The following SLX4IP variants were observed in gnomAD, a reference collection of about 807,000 sequenced individuals.
SLX4IP encodes SLX4 interacting protein.
SLX4IP carries 34 observed loss-of-function variants against 32.9 expected under a neutral mutation model. That is an observed-to-expected ratio of 1.03 (90% confidence interval 0.79 to 1.38). The LOEUF is 1.38. SLX4IP is among the 40% of genes most tolerant of loss of function. The pLI is 0.00. For synonymous variants in SLX4IP, 172 were observed against 171.7 expected (o/e 1.00, Z -0.01); for missense variants, 444 against 479.0 (o/e 0.93, Z 0.68).
At chr20:10,515,807 T>C (rs980738136) in intron 2 of SLX4IP, among the ~76,000 whole-genome samples, 3 of 152,240 alleles carry the variant, frequency 2.0e-5, no homozygotes, top group African/African-American at 7.2e-5. Context: ...TGAAAGCTGA[T>C]ATTTTAAGAG....
At chr20:10,600,639 T>C (rs529335736) in intron 5 of SLX4IP, among the ~76,000 whole-genome samples, 1 of 152,288 alleles carries the variant, frequency 6.6e-6, no homozygotes, top group South Asian at 2.1e-4. Context: ...TTGCTTGGCT[T>C]CCAAGCGGTG....
chr20:10,532,737 A>G (rs995093303), intron 2 of SLX4IP, among the ~76,000 whole-genome samples: 1 of 151,940 alleles, frequency 6.6e-6, no homozygotes, highest in Admixed American at 6.6e-5. Flanking sequence ...TACTGAATAG[A>G]AAAGCTGAAG....
chr20:10,492,718 C>T (rs894468829), intron 2 of SLX4IP, among the ~76,000 whole-genome samples: 1 of 152,060 alleles, frequency 6.6e-6, no homozygotes, highest in African/African-American at 2.4e-5. Context: ...ATCTTTCCAA[C>T]CAAAATGTAT....
At chr20:10,574,114 A>G (rs1480585251) in intron 4 of SLX4IP, among the ~76,000 whole-genome samples, 1 of 152,226 alleles carries the variant, frequency 6.6e-6, no homozygotes, top group Non-Finnish European at 1.5e-5. Context: ...AAAGTAAACA[A>G]AATTTCTAAA....
At chr20:10,595,493 G>A (rs1448661846) in intron 4 of SLX4IP, among the ~76,000 whole-genome samples, 1 of 152,202 alleles carries the variant, frequency 6.6e-6, no homozygotes, top group African/African-American at 2.4e-5. Context: ...AGTAGGAAAA[G>A]CAAAAGGACT....
intron 2 of SLX4IP, among the ~76,000 whole-genome samples, chr20:10,496,105 C>T (rs2122405061): frequency 6.6e-6 from 1 of 151,828 alleles, no homozygotes. Flanking sequence ...CTTATTTCTA[C>T]TACATTATAT....
chr20:10,618,778 T>G (rs780803133), intron 6 of SLX4IP, among the ~76,000 whole-genome samples: 4 of 152,192 alleles, frequency 2.6e-5, no homozygotes, highest in Admixed American at 6.5e-5. Context: ...TTAGCACACA[T>G]TATATATCTG....
At chr20:10,506,959 A>G (rs1485677945) in intron 2 of SLX4IP, among the ~76,000 whole-genome samples, 1 of 152,254 alleles carries the variant, frequency 6.6e-6, no homozygotes, top group African/African-American at 2.4e-5. Flanking sequence ...GAACTTACAC[A>G]TTGTGAAATG....
At chr20:10,451,198 T>G (rs977466681) in intron 1 of SLX4IP, among the ~76,000 whole-genome samples, 15 of 151,976 alleles carry the variant, frequency 9.9e-5, no homozygotes, top group African/African-American at 3.1e-4. Flanking sequence ...TATCACTCTG[T>G]CACCCAGGCT....
chr20:10,535,642 A>G (rs2066035015), intron 2 of SLX4IP, among the ~76,000 whole-genome samples: 1 of 152,094 alleles, frequency 6.6e-6, no homozygotes, highest in South Asian at 2.1e-4. Context: ...AGTTTTGTCT[A>G]GGGTAAGAGT....
intron 2 of SLX4IP, among the ~76,000 whole-genome samples, chr20:10,465,856 A>C (rs1470759087): frequency 6.6e-6 from 1 of 152,194 alleles, no homozygotes; most frequent in African/African-American, 2.4e-5. Context: ...CTGCATTTCA[A>C]ATGTTCAGTA....
chr20:10,512,288 C>CA lies in SLX4IP; in HGVS notation c.28-43941dup, dbSNP rs575440873. 5.5e-4 allele frequency among the ~76,000 whole-genome samples: 84 copies of CA among 152,274 alleles called. 1 individual carries two copies. Among genetic ancestry groups the CA allele is most frequent in the African/African-American group, 1.9e-3 (81 of 41,546 alleles). ...TTTCTTGATAATGAGAAAGAATTTACAAGTGGGTGCTAAGTAGGAGAATCC... is the reference window on the plus strand; with the variant it reads ...TTTCTTGATAATGAGAAAGAATTTACAAAGTGGGTGCTAAGTAGGAGAATCC... On this transcript the variant is annotated intron_variant, in intron 2 of 7. Transcript: ENST00000334534.
intron 2 of SLX4IP, among the ~76,000 whole-genome samples, chr20:10,516,953 A>G (rs2065855993): frequency 1.3e-5 from 2 of 152,182 alleles, no homozygotes; most frequent in Admixed American, 6.5e-5. Flanking sequence ...TCTATACAAT[A>G]TTTAGTAGAT....
chr20:10,617,387 C>T, intron 6 of SLX4IP, among the ~76,000 whole-genome samples: 1 of 152,162 alleles, frequency 6.6e-6, no homozygotes, highest in Non-Finnish European at 1.5e-5. Flanking sequence ...GCCAGTCTTC[C>T]CACTGGCCTG....
chr20:10,607,692 C>T (rs1479637900), intron 6 of SLX4IP, among the ~76,000 whole-genome samples: 2 of 152,016 alleles, frequency 1.3e-5, no homozygotes, highest in African/African-American at 4.8e-5. Context: ...GAGAGATGAC[C>T]CTCTGAAAAT....
intron 2 of SLX4IP, among the ~76,000 whole-genome samples, chr20:10,509,680 T>C (rs369031379): frequency 1.4e-3 from 210 of 152,198 alleles, no homozygotes; most frequent in Non-Finnish European, 2.4e-3. Flanking sequence ...TGGTCCCGCA[T>C]TGGGATGATG....
intron 2 of SLX4IP, among the ~76,000 whole-genome samples, chr20:10,479,271 CTT>C (rs1265925346): frequency 6.6e-6 from 1 of 151,276 alleles, no homozygotes; most frequent in Non-Finnish European, 1.5e-5. Context: ...TAGTATACTT[CTT>C]TTTTTGTTTG....
chr20:10,492,703 A>G (rs2065634161), intron 2 of SLX4IP, among the ~76,000 whole-genome samples: 1 of 152,168 alleles, frequency 6.6e-6, no homozygotes, highest in Non-Finnish European at 1.5e-5. Flanking sequence ...GGTCTGCTTG[A>G]AAGTATCTTT....
intron 2 of SLX4IP, among the ~76,000 whole-genome samples, chr20:10,524,370 G>T (rs1038021403): frequency 2.0e-5 from 3 of 152,154 alleles, no homozygotes; most frequent in African/African-American, 7.2e-5. Context: ...GCATAGCCAT[G>T]CAGGGAGACA....
Sources: allele counts gnomAD v4.1 joint callset (sites outside exome capture counted in the v4.1 genomes callset), GRCh38; gene constraint gnomAD v4.1.1; transcripts MANE v1.5; gene names NCBI Gene and HGNC (gene_info 2026-07-23, HGNC 2026-07-21).